RERE: variants seen among roughly 807,000 people sequenced by gnomAD.
The protein encoded by RERE is arginine-glutamic acid dipeptide repeats.
A neutral mutation model predicts 146.1 loss-of-function variants in RERE; 40 were observed. The observed-to-expected ratio is 0.27, with a 90% CI of 0.21 to 0.36. The LOEUF is 0.36. Ranked by LOEUF, RERE falls within the 10% of genes least tolerant of loss-of-function variation. The probability of loss-of-function intolerance (pLI) is 1.00; values close to 1 mark genes in which losing one functional copy is unlikely to be tolerated. For synonymous variants in RERE, 1,003 were observed against 866.0 expected, an observed-to-expected ratio of 1.16 and a Z score of -2.78; for missense variants, 1,933 against 2,138.7, an observed-to-expected ratio of 0.90 and a Z score of 1.90.
intron 10 of RERE, among the ~76,000 whole-genome samples, chr1:8,482,640 G>T (rs12724979): frequency 6.8e-6 from 1 of 146,184 alleles, no homozygotes; most frequent in African/African-American, 2.5e-5. Flanking sequence ...CAAGATGGTG[G>T]CACTGCACTC....
chr1:8,465,709 T>C (rs1339589413), intron 11 of RERE: 4 of 640,402 alleles, frequency 6.2e-6, no homozygotes, highest in Non-Finnish European at 1.2e-5. Context: ...AGTTGGACAA[T>C]CTTTCCCGAC....
chr1:8,766,833 A>T (rs1057090649), intron 1 of RERE, among the ~76,000 whole-genome samples: 2 of 152,174 alleles, frequency 1.3e-5, no homozygotes, highest in Admixed American at 6.5e-5. Context: ...GGACTTAGAG[A>T]AGGTTTTAAG....
At chr1:8,465,849 C>T (rs1644589071) in intron 11 of RERE, 76 bp downstream of exon 11, 1 of 1,208,096 alleles carries the variant, frequency 8.3e-7, no homozygotes, top group Non-Finnish European at 1.2e-6. Context: ...TTTCCCTGAG[C>T]AGCAGGGAGG....
intron 2 of RERE, among the ~76,000 whole-genome samples, chr1:8,655,148 C>T (rs941246378): frequency 1.3e-5 from 2 of 151,804 alleles, no homozygotes; most frequent in Admixed American, 1.3e-4. Context: ...GATTAGAGAG[C>T]CTGAAGCTCA....
chr1:8,551,883 C>A (rs1645939960), intron 6 of RERE, among the ~76,000 whole-genome samples: 1 of 152,190 alleles, frequency 6.6e-6, no homozygotes, highest in African/African-American at 2.4e-5. Context: ...TATTATACCA[C>A]AATGCCAGCC....
At chr1:8,586,901 C>G (rs1173793437) in intron 4 of RERE, among the ~76,000 whole-genome samples, 1 of 152,132 alleles carries the variant, frequency 6.6e-6, no homozygotes, top group Non-Finnish European at 1.5e-5. Context: ...TAATCCCTTC[C>G]CAGTCTGGAG....
chr1:8,457,830 A>ACCTCACTTGATCTCCCTGCCTCCG (rs1342638847), intron 11 of RERE, among the ~76,000 whole-genome samples: 6 of 151,986 alleles, frequency 3.9e-5, no homozygotes, highest in Non-Finnish European at 8.8e-5. Context: ...TGAACTCCTG[A>ACCTCACTTGATCTCCCTGCCTCCG]CCTCACTTGA....
chr1:8,480,128 G>GTTTTTTTTTTT (rs112068785), intron 10 of RERE, among the ~76,000 whole-genome samples: 1 of 135,222 alleles, frequency 7.4e-6, no homozygotes. Context: ...GCCTTTTTTT[G>GTTTTTTTTTTT]TTTTTTTTTT....
intron 1 of RERE, among the ~76,000 whole-genome samples, chr1:8,718,062 G>A (rs1289922019): frequency 6.6e-6 from 1 of 152,184 alleles, no homozygotes; most frequent in Non-Finnish European, 1.5e-5. Flanking sequence ...TAACACACAA[G>A]ACCATAAGTG....
chr1:8,782,305 T>A (rs1316762417), intron 1 of RERE, among the ~76,000 whole-genome samples: 1 of 152,098 alleles, frequency 6.6e-6, no homozygotes, highest in African/African-American at 2.4e-5. Flanking sequence ...CCATATAATA[T>A]AGTCTATGAT....
intron 12 of RERE, among the ~76,000 whole-genome samples, chr1:8,412,499 A>G (rs992877647): frequency 6.6e-6 from 1 of 152,230 alleles, no homozygotes; most frequent in Admixed American, 6.5e-5. Context: ...CAGTACACAC[A>G]TGTATGTGGG....
intron 1 of RERE, among the ~76,000 whole-genome samples, chr1:8,693,844 C>A (rs1271455622): frequency 6.6e-6 from 1 of 151,926 alleles, no homozygotes; most frequent in Admixed American, 6.6e-5. Flanking sequence ...AGGGGGGATG[C>A]GGGAACTCTG....
intron 4 of RERE, among the ~76,000 whole-genome samples, chr1:8,565,399 C>T (rs1646141489): frequency 6.6e-6 from 1 of 152,040 alleles, no homozygotes; most frequent in African/African-American, 2.4e-5. Flanking sequence ...AAGCCTCTAC[C>T]CTATTTAACA....
intron 10 of RERE, among the ~76,000 whole-genome samples, chr1:8,478,879 AG>A: frequency 6.6e-6 from 1 of 152,300 alleles, no homozygotes; most frequent in East Asian, 1.9e-4. Flanking sequence ...GTAGTGGCTG[AG>A]GAAGAAACAA....
At chr1:8,378,921 G>A (rs887223194) in intron 12 of RERE, among the ~76,000 whole-genome samples, 2 of 152,238 alleles carry the variant, frequency 1.3e-5, no homozygotes, top group African/African-American at 2.4e-5. Context: ...TCTGCTGGGG[G>A]AGAAGAACAG....
chr1:8,579,284 T>C (rs1646334723), intron 4 of RERE, among the ~76,000 whole-genome samples: 2 of 152,164 alleles, frequency 1.3e-5, no homozygotes, highest in African/African-American at 4.8e-5. Context: ...GCTTTTACTG[T>C]CAAAAGAAAA....
intron 1 of RERE, chr1:8,786,408 A>C: frequency 1.1e-6 from 1 of 873,480 alleles, no homozygotes; most frequent in Admixed American, 1.7e-5. Context: ...ATTTACCAAG[A>C]GATAGAGCAA....
At chr1:8,403,372 A>T (rs534650776) in intron 12 of RERE, among the ~76,000 whole-genome samples, 1 of 150,862 alleles carries the variant, frequency 6.6e-6, no homozygotes, top group Non-Finnish European at 1.5e-5. Context: ...TTTGTTTCTA[A>T]TACTGTTTAC....
intron 1 of RERE, among the ~76,000 whole-genome samples, chr1:8,757,911 T>TACACACACAAACAC (rs1553145851): frequency 1.0e-4 from 3 of 30,132 alleles, no homozygotes; most frequent in African/African-American, 2.7e-4. Context: ...CACACATACA[T>TACACACACAAACAC]ACACACACAC....
Sources: allele counts gnomAD v4.1 joint callset (sites outside exome capture counted in the v4.1 genomes callset), GRCh38; gene constraint gnomAD v4.1.1; transcripts MANE v1.5; gene names NCBI Gene and HGNC (gene_info 2026-07-23, HGNC 2026-07-21).